Variants in ZFHX3 observed in about 807,000 individuals in gnomAD.
ZFHX3 encodes zinc finger homeobox protein 3.
Under a neutral mutation model 279.1 loss-of-function variants are expected in ZFHX3, and 42 were observed. The observed-to-expected ratio is 0.15, with a 90% CI of 0.12 to 0.19. ZFHX3 has a LOEUF of 0.19. Among genes scored for constraint, ZFHX3 ranks in the 10% least tolerant of loss-of-function variants. ZFHX3 has a pLI of 1.00. For synonymous variants in ZFHX3, 2,293 were observed against 1,957.8 expected (o/e 1.17, Z -4.52); for missense variants, 4,981 against 4,754.0 (o/e 1.05, Z -1.40).
intron 3 of ZFHX3, among the ~76,000 whole-genome samples, chr16:73,347,499 G>T (rs750101443): frequency 6.6e-6 from 1 of 152,190 alleles, no homozygotes; most frequent in Non-Finnish European, 1.5e-5. Flanking sequence ...TCTCTGCACC[G>T]TCCTCACCCT....
chr16:73,258,113 T>TTA, intron 4 of ZFHX3, among the ~76,000 whole-genome samples: 1 of 152,246 alleles, frequency 6.6e-6, no homozygotes, highest in African/African-American at 2.4e-5. Flanking sequence ...AAGCACCTTT[T>TTA]AGGGGCATTG....
intron 1 of ZFHX3, among the ~76,000 whole-genome samples, chr16:73,054,468 T>TA (rs1491279349): frequency 7.8e-6 from 1 of 128,404 alleles, no homozygotes; most frequent in African/African-American, 3.0e-5. Flanking sequence ...TTTTTTTTTT[T>TA]AGGAAATCCA....
Position 73,568,931 on chromosome 16 carries a change from T to C in ZFHX3, c.-1547+111249A>G, listed in dbSNP as rs560615728. On this transcript the variant is annotated intron_variant, in intron 2 of 17. Transcript: ENST00000641206. ...TGGAAAGCCTCCGAGATAAGAAGAT[T>C]ACAGAATGTCATGTGCCTCCGGCGA... Among the ~76,000 whole-genome samples, 117 of 152,188 alleles carry C rather than the reference T, an allele frequency of 7.7e-4. 1 individual carries two copies. The highest frequency in any genetic ancestry group is 5.8e-3 in the South Asian group (28 of 4,804).
At chr16:73,040,257 A>G (rs1215311509) in intron 1 of ZFHX3, among the ~76,000 whole-genome samples, 1 of 152,100 alleles carries the variant, frequency 6.6e-6, no homozygotes, top group Non-Finnish European at 1.5e-5. Flanking sequence ...AGGTATAGGA[A>G]GGGGACAGGG....
At chr16:73,212,965 G>A (rs761197318) in intron 5 of ZFHX3, among the ~76,000 whole-genome samples, 2 of 152,146 alleles carry the variant, frequency 1.3e-5, no homozygotes, top group African/African-American at 2.4e-5. Flanking sequence ...TTCGAACAAC[G>A]TCAGAAACGC....
intron 3 of ZFHX3, among the ~76,000 whole-genome samples, chr16:73,434,854 G>A (rs749975802): frequency 3.2e-4 from 48 of 152,254 alleles, no homozygotes; most frequent in African/African-American, 1.1e-3. Context: ...CTTGGCTGAC[G>A]CCGTCCAGTC....
chr16:73,322,800 T>A (rs894359517), intron 3 of ZFHX3, among the ~76,000 whole-genome samples: 2 of 152,190 alleles, frequency 1.3e-5, no homozygotes, highest in African/African-American at 2.4e-5. Context: ...TGCTAAGAAG[T>A]ATAAAAAAGA....
At chr16:73,588,282 C>G (rs2051948340) in intron 2 of ZFHX3, among the ~76,000 whole-genome samples, 1 of 152,052 alleles carries the variant, frequency 6.6e-6, no homozygotes, top group African/African-American at 2.4e-5. Context: ...AATGATACCA[C>G]TTTAAATGTT....
At chr16:73,529,851 T>C (rs2019764355) in intron 2 of ZFHX3, among the ~76,000 whole-genome samples, 1 of 152,208 alleles carries the variant, frequency 6.6e-6, no homozygotes, top group Non-Finnish European at 1.5e-5. Flanking sequence ...GGCTGTGTGA[T>C]GACGCGTAGC....
chr16:73,006,609 CAAAGAAAGAAAAGAAAGAAAAGAAAAA>C (rs1567629164), intron 1 of ZFHX3, among the ~76,000 whole-genome samples: 1 of 132,914 alleles, frequency 7.5e-6, no homozygotes, highest in Non-Finnish European at 1.6e-5. Context: ...CAAAACAAGA[CAAAGAAAGAAAAGAAAGAAAAGAAAAA>C]AAAGAAAGAA....
chr16:73,558,367 G>C (rs1385407062), intron 2 of ZFHX3: 1 of 152,198 alleles, frequency 6.6e-6, no homozygotes, highest in Non-Finnish European at 1.5e-5. Flanking sequence ...CGCTCAGAGA[G>C]GAAAGGCACC....
intron 3 of ZFHX3, among the ~76,000 whole-genome samples, chr16:72,915,290 T>C (rs2039415433): frequency 6.6e-6 from 1 of 152,220 alleles, no homozygotes; most frequent in African/African-American, 2.4e-5. Context: ...CCATACAAAT[T>C]CTAATACTAT....
chr16:73,779,409 G>A (rs559251743), intron 1 of ZFHX3, among the ~76,000 whole-genome samples: 224 of 123,644 alleles, frequency 1.8e-3, no homozygotes, highest in African/African-American at 6.7e-3. Context: ...AGGAGGAGGA[G>A]GTGGTGGTGT....
chr16:72,836,080 C>T (rs878857608), intron 4 of ZFHX3, among the ~76,000 whole-genome samples: 1 of 152,286 alleles, frequency 6.6e-6, no homozygotes, highest in East Asian at 1.9e-4. Flanking sequence ...TGCTGGTGGA[C>T]GGGCAGTTGT....
intron 4 of ZFHX3, among the ~76,000 whole-genome samples, chr16:72,850,019 G>A (rs2037576345): frequency 6.6e-6 from 1 of 152,132 alleles, no homozygotes; most frequent in Non-Finnish European, 1.5e-5. Flanking sequence ...ACGGTCGGGG[G>A]ACTGTCAGAG....
intron 2 of ZFHX3, among the ~76,000 whole-genome samples, chr16:73,461,847 T>G (rs568839536): frequency 6.6e-6 from 1 of 152,346 alleles, no homozygotes; most frequent in East Asian, 1.9e-4. Context: ...CTGTTTTAGC[T>G]ATTCTTGTTC....
At chr16:73,667,384 A>AG (rs2052854506) in intron 2 of ZFHX3, among the ~76,000 whole-genome samples, 1 of 152,226 alleles carries the variant, frequency 6.6e-6, no homozygotes, top group Non-Finnish European at 1.5e-5. Flanking sequence ...AAATGTTAAC[A>AG]TACGCTTTTG....
intron 4 of ZFHX3, among the ~76,000 whole-genome samples, chr16:73,280,742 G>A (rs965102288): frequency 5.3e-5 from 8 of 152,022 alleles, no homozygotes; most frequent in Non-Finnish European, 7.4e-5. Context: ...AGAACTTTGG[G>A]AGGCCGAGGC....
At chr16:73,414,947 G>A (rs920483542) in intron 3 of ZFHX3, among the ~76,000 whole-genome samples, 42 of 152,262 alleles carry the variant, frequency 2.8e-4, no homozygotes, top group African/African-American at 9.6e-4. Flanking sequence ...GAACTGGCTC[G>A]AATAACCCCA....
Sources: gnomAD v4.1 joint callset for allele counts (sites outside exome capture counted in the v4.1 genomes callset) on GRCh38, gnomAD v4.1.1 for gene constraint, MANE v1.5 for transcripts, NCBI Gene and HGNC (gene_info 2026-07-23, HGNC 2026-07-21) for gene names.